Variants in ZRANB3 observed in about 807,000 individuals in gnomAD.
The protein encoded by ZRANB3 is zinc finger RANBP2-type containing 3.
ZRANB3 carries 125 observed loss-of-function variants against 133.8 expected under a neutral mutation model. That is an observed-to-expected ratio of 0.93 (90% CI 0.81 to 1.08). ZRANB3 has a LOEUF of 1.08. Ranked by LOEUF, ZRANB3 falls within the 50% of genes least tolerant of loss-of-function variation. ZRANB3 has a pLI of 0.00. For missense variants in ZRANB3, 1,229 were observed against 1,275.5 expected (o/e 0.96, Z 0.56); for synonymous variants, 387 against 432.7 (o/e 0.89, Z 1.31).
intron 2 of ZRANB3, among the ~76,000 whole-genome samples, chr2:135,463,244 T>A (rs1300365611): frequency 1.3e-5 from 2 of 152,124 alleles, no homozygotes; most frequent in Non-Finnish European, 2.9e-5. Context: ...GTGTGTATAC[T>A]TGAGTTGGTA....
chr2:135,367,070 TG>T (rs1483778427), intron 3 of ZRANB3, among the ~76,000 whole-genome samples: 1 of 152,096 alleles, frequency 6.6e-6, no homozygotes, highest in Non-Finnish European at 1.5e-5. Flanking sequence ...TTGGCACCAA[TG>T]ATTTTTACTC....
chr2:135,452,952 C>T (rs1296054811), intron 2 of ZRANB3, among the ~76,000 whole-genome samples: 1 of 152,260 alleles, frequency 6.6e-6, no homozygotes, highest in Non-Finnish European at 1.5e-5. Context: ...GGCTCCGACC[C>T]AACATTTCCC....
chr2:135,390,823 G>GA lies in ZRANB3; in HGVS notation c.162-4_162-3insT. ...TTACTTCATCAGCCACCATACACCTGGAAAAAAAAAAAAAAAAAAATTAAT... is the reference window on the plus strand; with the variant it reads ...TTACTTCATCAGCCACCATACACCTGAGAAAAAAAAAAAAAAAAAAATTAAT... On this transcript the variant is annotated splice_region_variant and splice_polypyrimidine_tract_variant and intron_variant, in intron 2 of 20. Transcript: ENST00000264159. The GA allele has an allele frequency of 3.6e-6, 5 of 1,374,782 alleles. No individual in the cohort carries two copies. Among genetic ancestry groups the GA allele is most frequent in the East Asian group, 2.9e-5 (1 of 34,622 alleles). The allele number at this position is 1,374,782 out of a possible 1,614,324, so 85.2% of individuals were successfully genotyped here.
At chr2:135,342,272 T>C (rs897674455) in intron 6 of ZRANB3, among the ~76,000 whole-genome samples, 2 of 149,850 alleles carry the variant, frequency 1.3e-5, no homozygotes, top group African/African-American at 2.6e-5. Context: ...GTTCCCCCAA[T>C]AGTGATCTGC....
At chr2:135,522,849 T>C (rs2104844663) in intron 1 of ZRANB3, among the ~76,000 whole-genome samples, 1 of 152,344 alleles carries the variant, frequency 6.6e-6, no homozygotes, top group East Asian at 1.9e-4. Context: ...TTTGGACTTT[T>C]TTCTGTAAGG....
chr2:135,414,569 C>T (rs1688464230), intron 2 of ZRANB3, among the ~76,000 whole-genome samples: 1 of 152,054 alleles, frequency 6.6e-6, no homozygotes, highest in Non-Finnish European at 1.5e-5. Flanking sequence ...AACAAGGATA[C>T]CCAGGGATTG....
At chr2:135,318,212 TTGTGTGTGTGTGTGTGTGTGTGTG>T (rs58455313) in intron 6 of ZRANB3, among the ~76,000 whole-genome samples, 2 of 136,970 alleles carry the variant, frequency 1.5e-5, no homozygotes, top group Admixed American at 7.4e-5. Flanking sequence ...ACACACTATT[TTGTGTGTGTGTGTGTGTGTGTGTG>T]TGTGTGTGTG....
chr2:135,376,872 GATGGA>G (rs981079915), intron 3 of ZRANB3, among the ~76,000 whole-genome samples: 1 of 152,212 alleles, frequency 6.6e-6, no homozygotes, highest in African/African-American at 2.4e-5. Flanking sequence ...AAGATACCAG[GATGGA>G]AAACAAAATG....
intron 19 of ZRANB3, among the ~76,000 whole-genome samples, chr2:135,203,401 C>T (rs1693706845): frequency 6.6e-6 from 1 of 152,040 alleles, no homozygotes; most frequent in African/African-American, 2.4e-5. Context: ...AGGCGGATCA[C>T]TAGGTCAGGA....
At chr2:135,488,492 A>T (rs1237094214) in intron 2 of ZRANB3, among the ~76,000 whole-genome samples, 1 of 151,926 alleles carries the variant, frequency 6.6e-6, no homozygotes, top group Admixed American at 6.6e-5. Flanking sequence ...CAAATATAGC[A>T]TACTATATTT....
rs1694364922 is a variant in ZRANB3 at position 135,217,600 on chromosome 2, C to T, written c.2360G>A (p.Arg787Lys). Residue 787 changes from arginine (R) to lysine (K), a missense_variant, in exon 17 of 21, where the codon AGA (arginine) becomes AAA (lysine). By Grantham distance (26) the Arg-to-Lys change is conservative (BLOSUM62 2). Coordinates refer to ENST00000264159, the MANE Select transcript of ZRANB3 (RefSeq NM_032143.4). ...TAGACTACTCCATTCTCGAACAAAT[C>T]TCAAAATCTGGCAGAAAATGAGATA... ...QLKQYRSLIL[R>K]FVREWSSLTA... is the part of the protein sequence containing the mutation. 1 of 1,609,722 alleles carries T rather than the reference C, an allele frequency of 6.2e-7. No homozygotes were observed. The highest frequency in any genetic ancestry group is 1.3e-5 in the African/African-American group (1 of 74,720).
intron 1 of ZRANB3, among the ~76,000 whole-genome samples, chr2:135,507,435 G>GACT (rs1693240065): frequency 1.3e-5 from 2 of 152,120 alleles, no homozygotes; most frequent in Non-Finnish European, 2.9e-5. Flanking sequence ...GTGGACTTTA[G>GACT]AAAGTCAAAA....
intron 10 of ZRANB3, among the ~76,000 whole-genome samples, chr2:135,269,396 T>G (rs1330810916): frequency 6.6e-6 from 1 of 152,188 alleles, no homozygotes; most frequent in African/African-American, 2.4e-5. Context: ...GTATATAAAC[T>G]AAATCACTTT....
chr2:135,487,336 C>T (rs1321122760), intron 2 of ZRANB3, among the ~76,000 whole-genome samples: 1 of 152,160 alleles, frequency 6.6e-6, no homozygotes, highest in Non-Finnish European at 1.5e-5. Flanking sequence ...ATCTGAAAGG[C>T]TCTAGGATAT....
chr2:135,511,545 C>T (rs983719931), intron 1 of ZRANB3: 6 of 1,024,248 alleles, frequency 5.9e-6, no homozygotes, highest in Admixed American at 1.7e-5. Flanking sequence ...CCTCATCTTG[C>T]TATCTGAAGA....
chr2:135,247,237 G>T (rs1238221855), intron 12 of ZRANB3, among the ~76,000 whole-genome samples: 1 of 152,212 alleles, frequency 6.6e-6, no homozygotes, highest in African/African-American at 2.4e-5. Flanking sequence ...AAGAGCCCTC[G>T]TGAGCATTTG....
At chr2:135,411,434 A>AG (rs1415348459) in intron 2 of ZRANB3, among the ~76,000 whole-genome samples, 1 of 152,134 alleles carries the variant, frequency 6.6e-6, no homozygotes, top group Non-Finnish European at 1.5e-5. Context: ...CCATAGCAAA[A>AG]GAAATTGTTT....
At chr2:135,333,852 C>A (rs11899008) in intron 6 of ZRANB3, among the ~76,000 whole-genome samples, 9,434 of 152,158 alleles carry the variant, frequency 0.062, 572 homozygotes, top group African/African-American at 0.16. Context: ...AAAACATATA[C>A]AGGCAACTGT....
intron 3 of ZRANB3, among the ~76,000 whole-genome samples, chr2:135,363,287 C>T (rs1425366082): frequency 6.6e-6 from 1 of 152,144 alleles, no homozygotes; most frequent in Non-Finnish European, 1.5e-5. Flanking sequence ...CCTGCCTCAG[C>T]CTCCCAAGTA....
Sources: gnomAD v4.1 joint callset for allele counts (sites outside exome capture counted in the v4.1 genomes callset) on GRCh38, gnomAD v4.1.1 for gene constraint, MANE v1.5 for transcripts, NCBI Gene and HGNC (gene_info 2026-07-23, HGNC 2026-07-21) for gene names.